Variants in PEPD observed in about 807,000 individuals in gnomAD.
The protein encoded by PEPD is xaa-Pro dipeptidase.
In PEPD, 53 loss-of-function variants were observed where a neutral mutation model predicts 60.7. The ratio of observed to expected loss-of-function variants is 0.87; its 90% CI spans 0.70 to 1.10. The LOEUF is 1.10. PEPD is among the 50% of genes least tolerant of loss of function. The probability of loss-of-function intolerance (pLI) is 0.00; values close to 1 mark genes in which losing one functional copy is unlikely to be tolerated. For synonymous variants in PEPD, 267 were observed against 284.1 expected (o/e 0.94, Z 0.60); for missense variants, 711 against 711.9 (o/e 1.00, Z 0.01).
chr19:33,460,636 T>C (rs1312816975), intron 9 of PEPD, among the ~76,000 whole-genome samples: 1 of 152,116 alleles, frequency 6.6e-6, no homozygotes, highest in Non-Finnish European at 1.5e-5. Flanking sequence ...TCAGATAGCT[T>C]CCCTGGTGGG....
chr19:33,453,539 TTTTTTAGCAATAAAGTC>T (rs1217373584), intron 9 of PEPD, among the ~76,000 whole-genome samples: 1 of 152,224 alleles, frequency 6.6e-6, no homozygotes, highest in Admixed American at 6.5e-5. Context: ...TGTGTCAGCA[TTTTTTAGCAATAAAGTC>T]TTTTTAAATT....
intron 7 of PEPD, among the ~76,000 whole-genome samples, chr19:33,465,935 A>G (rs1970011204): frequency 6.6e-6 from 1 of 152,202 alleles, no homozygotes; most frequent in Non-Finnish European, 1.5e-5. Flanking sequence ...ACTCCAGCAG[A>G]GAGAGAAGGG....
chr19:33,414,049 G>A lies in PEPD; in HGVS notation c.672-406C>T, dbSNP rs573355644. On this transcript the variant is annotated intron_variant, in intron 9 of 14. Coordinates refer to ENST00000244137, the MANE Select transcript of PEPD (RefSeq NM_000285.4). ...GGAGGAAGTGATTCCCTGTGACTCC[G>A]TGCCCAGAGGCCACCACCCACCCTG... Among the ~76,000 whole-genome samples, 194 of 152,326 alleles carry A rather than the reference G, an allele frequency of 1.3e-3. 3 individuals are homozygous for A. The South Asian group carries it at 0.038, about 30-fold the overall frequency.
At chr19:33,470,339 A>C (rs1970100143) in intron 7 of PEPD, among the ~76,000 whole-genome samples, 1 of 152,052 alleles carries the variant, frequency 6.6e-6, no homozygotes, top group African/African-American at 2.4e-5. Context: ...CTCAGGATGA[A>C]GGTAAACCTC....
chr19:33,388,202 C>T lies in PEPD; in HGVS notation c.1153-121G>A, dbSNP rs892184244. 3.5e-6 allele frequency: 3 copies of T among 855,284 alleles called. No individual in the cohort carries two copies. In the African/African-American group the frequency reaches 5.0e-5, roughly 14 times the overall value. The allele number at this position is 855,284 out of a possible 1,614,324, so 53.0% of individuals were successfully genotyped here. On this transcript the variant is annotated intron_variant, in intron 13 of 14. Coordinates refer to ENST00000244137, the MANE Select transcript of PEPD (RefSeq NM_000285.4). ...CGTGGGCTCTCTTGACCATTGGGGT[C>T]CTCAGCCTAGACTCGCCCCTGCTGT... is the stretch of plus-strand genomic sequence containing the variant.
intron 3 of PEPD, among the ~76,000 whole-genome samples, chr19:33,503,809 G>A (rs55662095): frequency 0.12 from 18,941 of 152,160 alleles, 1,569 homozygotes; most frequent in Non-Finnish European, 0.19. Flanking sequence ...GCAACCTCAC[G>A]GCAGAGTGGG....
chr19:33,406,901 C>T (rs1301605120), intron 11 of PEPD, among the ~76,000 whole-genome samples: 1 of 152,176 alleles, frequency 6.6e-6, no homozygotes, highest in Non-Finnish European at 1.5e-5. Context: ...AGGGCTGGGA[C>T]AGGTCTCTCC....
chr19:33,478,643 T>C (rs1380209373), intron 6 of PEPD, among the ~76,000 whole-genome samples: 5 of 151,634 alleles, frequency 3.3e-5, no homozygotes, highest in African/African-American at 1.2e-4. Context: ...AAACCTATGG[T>C]GGAGAGAAGG....
chr19:33,458,828 C>A (rs992290811), intron 9 of PEPD, among the ~76,000 whole-genome samples: 1 of 378 alleles, frequency 2.6e-3, no homozygotes, highest in Admixed American at 0.029. Context: ...ATGTGGAGTG[C>A]GCAGGATGTG....
At chr19:33,517,322 G>A (rs1156526734) in intron 1 of PEPD, among the ~76,000 whole-genome samples, 1 of 152,086 alleles carries the variant, frequency 6.6e-6, no homozygotes, top group East Asian at 1.9e-4. Flanking sequence ...CATTTTAGGA[G>A]GCCGACATGG....
At chr19:33,464,675 T>C (rs997084941) in intron 7 of PEPD, among the ~76,000 whole-genome samples, 20 of 152,158 alleles carry the variant, frequency 1.3e-4, no homozygotes, top group African/African-American at 4.8e-4. Context: ...GAGGGTGGTC[T>C]ACGTGGGCAG....
chr19:33,494,786 T>TA (rs1453669856), intron 4 of PEPD, among the ~76,000 whole-genome samples: 2 of 152,192 alleles, frequency 1.3e-5, no homozygotes, highest in African/African-American at 4.8e-5. Context: ...TGAGTCTGGT[T>TA]AAAAAATAAC....
intron 9 of PEPD, among the ~76,000 whole-genome samples, chr19:33,436,771 T>C (rs989496827): frequency 1.3e-5 from 2 of 152,166 alleles, no homozygotes; most frequent in Admixed American, 6.5e-5. Context: ...AGGAAGGGAA[T>C]TGGTTGGAGA....
At chr19:33,471,836 C>T (rs562372706) in intron 7 of PEPD, among the ~76,000 whole-genome samples, 37 of 152,024 alleles carry the variant, frequency 2.4e-4, no homozygotes, top group African/African-American at 8.9e-4. Context: ...CTGGGCATCA[C>T]AGTGATAACC....
chr19:33,471,911 C>T (rs376119120), intron 7 of PEPD, among the ~76,000 whole-genome samples: 107 of 152,286 alleles, frequency 7.0e-4, no homozygotes, highest in African/African-American at 2.4e-3. Flanking sequence ...CCTGTAATCC[C>T]GGCACTTTGG....
chr19:33,461,290 A>G, intron 9 of PEPD, among the ~76,000 whole-genome samples: 1 of 151,466 alleles, frequency 6.6e-6, no homozygotes, highest in Non-Finnish European at 1.5e-5. Context: ...TATTTTGGAT[A>G]CTGAAATTTC....
intron 1 of PEPD, among the ~76,000 whole-genome samples, chr19:33,517,031 A>C (rs1971035281): frequency 6.6e-6 from 1 of 151,754 alleles, no homozygotes; most frequent in African/African-American, 2.4e-5. Flanking sequence ...AAACACAAAA[A>C]TTAGTCAGGA....
intron 9 of PEPD, among the ~76,000 whole-genome samples, chr19:33,422,222 C>A (rs578199259): frequency 7.9e-5 from 12 of 152,124 alleles, no homozygotes; most frequent in East Asian, 3.9e-4. Context: ...TCTCTCTCCC[C>A]CTTCAGGTCT....
At chr19:33,492,500 A>G (rs1970520552) in intron 5 of PEPD, among the ~76,000 whole-genome samples, 1 of 152,338 alleles carries the variant, frequency 6.6e-6, no homozygotes, top group Non-Finnish European at 1.5e-5. Context: ...AGGATACATG[A>G]GCTATCCATC....
Sources: allele counts gnomAD v4.1 joint callset (sites outside exome capture counted in the v4.1 genomes callset), GRCh38; gene constraint gnomAD v4.1.1; transcripts MANE v1.5; gene names NCBI Gene and HGNC (gene_info 2026-07-23, HGNC 2026-07-21).